The following CHST9 variants were observed in gnomAD, a reference collection of about 807,000 sequenced individuals.
CHST9 encodes GalNAc-4-sulfotransferase 2.
Under a neutral mutation model 44.4 loss-of-function variants are expected in CHST9, and 41 were observed. The observed-to-expected ratio is 0.92, with a 90% CI of 0.72 to 1.20. The LOEUF is 1.20. Ranked by LOEUF, CHST9 falls within the 50% of genes most tolerant of loss-of-function variation. CHST9 has a pLI of 0.00. For missense variants in CHST9, 504 were observed against 516.5 expected, an observed-to-expected ratio of 0.98 and a Z score of 0.23; for synonymous variants, 171 against 178.4, an observed-to-expected ratio of 0.96 and a Z score of 0.33.
In CHST9 at chr18:26,909,098, G is replaced by GC. The variant is rs1568084348; in HGVS notation, c.*7160_*7161insG. 1 of 152,242 alleles carries GC rather than the reference G, an allele frequency of 6.6e-6. No homozygotes were observed. Among genetic ancestry groups the GC allele is most frequent in the East Asian group, 1.9e-4 (1 of 5,164 alleles). 9.4% of individuals were successfully genotyped at this position (152,242 alleles called of 1,614,324 possible). A position where few individuals can be genotyped will look rare whatever the true frequency, so the allele number is the denominator to read the frequency against. ...TTGGGCAGTGCCCAGTGCTGTCCCCGTCCCTCACTTCATCATTTCAGCTCT... is the reference window on the plus strand; with the variant it reads ...TTGGGCAGTGCCCAGTGCTGTCCCCGCTCCCTCACTTCATCATTTCAGCTCT... On this transcript the variant is annotated 3_prime_UTR_variant, in exon 6 of 6. Coordinates refer to ENST00000618847, the MANE Select transcript of CHST9 (RefSeq NM_031422.6).
At chr18:27,097,554 G>A (rs2058129418) in intron 2 of CHST9, among the ~76,000 whole-genome samples, 1 of 151,936 alleles carries the variant, frequency 6.6e-6, no homozygotes, top group South Asian at 2.1e-4. Context: ...TGGTTTCAGG[G>A]TATAAAATCA....
intron 2 of CHST9, among the ~76,000 whole-genome samples, chr18:27,113,552 G>A (rs2058293482): frequency 1.3e-5 from 2 of 152,092 alleles, no homozygotes; most frequent in Non-Finnish European, 2.9e-5. Context: ...AGGTCAGGAG[G>A]GTGGTGCCCT....
Position 26,916,756 on chromosome 18 carries a change from C to G in CHST9, c.835G>C (p.Val279Leu), listed in dbSNP as rs1221348500. 6.8e-6 allele frequency: 11 copies of G among 1,613,732 alleles called. No homozygotes were observed. Among genetic ancestry groups the G allele is most frequent in the African/African-American group, 1.3e-5 (1 of 74,892 alleles). Residue 279 changes from valine (V) to leucine (L), a missense_variant, in exon 6 of 6, where the codon GTT becomes CTT. Physicochemically the swap from Val to Leu is conservative, Grantham distance 32. Transcript: ENST00000618847. ...RLNTYTKAVF[V>L]RDPMERLVSA... ...ACTAATCTTTCCATGGGATCACGAA[C>G]AAACACAGCTTTGGTGTAAGTATTT...
intron 3 of CHST9, among the ~76,000 whole-genome samples, chr18:27,038,607 T>G (rs781595617): frequency 2.0e-5 from 3 of 152,162 alleles, no homozygotes; most frequent in African/African-American, 7.2e-5. Flanking sequence ...TGGCCACATG[T>G]GGCTGTTGAG....
intron 4 of CHST9, among the ~76,000 whole-genome samples, chr18:26,973,028 G>A (rs1279781868): frequency 6.6e-6 from 1 of 152,076 alleles, no homozygotes; most frequent in South Asian, 2.1e-4. Flanking sequence ...TTCCAGCCTC[G>A]CGGACATTCC....
At chr18:27,141,640 G>T (rs1598752534) in intron 2 of CHST9, among the ~76,000 whole-genome samples, 1 of 132,674 alleles carries the variant, frequency 7.5e-6, no homozygotes, top group Non-Finnish European at 1.6e-5. Context: ...CCAAAGAAAG[G>T]AATTTAAAAA....
At chr18:27,171,966 T>C (rs2058836687) in intron 1 of CHST9, among the ~76,000 whole-genome samples, 1 of 152,172 alleles carries the variant, frequency 6.6e-6, no homozygotes, top group Admixed American at 6.5e-5. Flanking sequence ...TTAAATACCA[T>C]GAATGAAAAA....
At chr18:27,056,577 G>A (rs1185130182) in intron 2 of CHST9, among the ~76,000 whole-genome samples, 1 of 152,148 alleles carries the variant, frequency 6.6e-6, no homozygotes, top group East Asian at 1.9e-4. Context: ...TAAATAAAAT[G>A]ATGTGTTTAA....
intron 3 of CHST9, among the ~76,000 whole-genome samples, chr18:27,029,365 A>G (rs2057316802): frequency 6.6e-6 from 1 of 152,166 alleles, no homozygotes; most frequent in African/African-American, 2.4e-5. Flanking sequence ...AAAATTGAGG[A>G]AATCTTGAAA....
chr18:27,106,401 T>C (rs4800787), intron 2 of CHST9, among the ~76,000 whole-genome samples: 102,878 of 151,984 alleles, frequency 0.68, 35,047 homozygotes, highest in East Asian at 0.78. Flanking sequence ...ATTTTGTTAA[T>C]GCCATTATTG....
At chr18:27,157,619 G>C (rs1182665668) in intron 1 of CHST9, among the ~76,000 whole-genome samples, 1 of 152,020 alleles carries the variant, frequency 6.6e-6, no homozygotes, top group Non-Finnish European at 1.5e-5. Flanking sequence ...GAAACGTATA[G>C]GAAGCGCTTA....
chr18:27,149,336 C>G (rs191514874), intron 1 of CHST9, among the ~76,000 whole-genome samples: 1 of 152,204 alleles, frequency 6.6e-6, no homozygotes, highest in Non-Finnish European at 1.5e-5. Context: ...TAATAATGGC[C>G]TCTAGCTCCA....
intron 5 of CHST9, among the ~76,000 whole-genome samples, chr18:26,922,021 T>C (rs2145060837): frequency 6.6e-6 from 1 of 152,352 alleles, no homozygotes; most frequent in East Asian, 1.9e-4. Context: ...CTGCAATTAT[T>C]ACTAAATTAT....
At chr18:27,141,338 C>T (rs1424246959) in intron 2 of CHST9, among the ~76,000 whole-genome samples, 1 of 151,852 alleles carries the variant, frequency 6.6e-6, no homozygotes, top group Non-Finnish European at 1.5e-5. Flanking sequence ...GCACTCCAGC[C>T]TAGGCGACTG....
chr18:27,073,616 T>C (rs981717447), intron 2 of CHST9, among the ~76,000 whole-genome samples: 1 of 151,790 alleles, frequency 6.6e-6, no homozygotes, highest in African/African-American at 2.4e-5. Flanking sequence ...AGAGGGGTCA[T>C]CGAGGGGCTG....
intron 5 of CHST9, among the ~76,000 whole-genome samples, chr18:26,942,290 G>T (rs1286188143): frequency 6.6e-6 from 1 of 152,008 alleles, no homozygotes; most frequent in Non-Finnish European, 1.5e-5. Context: ...TCTTTACTTG[G>T]GAGAAGAATG....
chr18:26,953,665 G>A (rs1159103673), intron 4 of CHST9, among the ~76,000 whole-genome samples: 2 of 152,156 alleles, frequency 1.3e-5, no homozygotes, highest in East Asian at 3.8e-4. Context: ...AGAAGGAGTT[G>A]TACCTGACTT....
intron 1 of CHST9, among the ~76,000 whole-genome samples, chr18:27,158,748 A>T (rs2058719233): frequency 6.8e-6 from 1 of 146,518 alleles, no homozygotes; most frequent in Admixed American, 6.9e-5. Flanking sequence ...CTATTTCTCC[A>T]CATCCTCTCC....
intron 4 of CHST9, among the ~76,000 whole-genome samples, chr18:26,962,193 A>G (rs1242123551): frequency 6.6e-6 from 1 of 152,118 alleles, no homozygotes; most frequent in African/African-American, 2.4e-5. Flanking sequence ...TGACTCTTCC[A>G]GCCTGGGGTG....
Sources: gnomAD v4.1 joint callset for allele counts (sites outside exome capture counted in the v4.1 genomes callset) on GRCh38, gnomAD v4.1.1 for gene constraint, MANE v1.5 for transcripts, NCBI Gene and HGNC (gene_info 2026-07-23, HGNC 2026-07-21) for gene names.